BEGAIN: variants seen among roughly 807,000 people sequenced by gnomAD.
BEGAIN encodes brain-enriched guanylate kinase-associated protein.
BEGAIN carries 19 observed loss-of-function variants against 35.8 expected under a neutral mutation model. That is an observed-to-expected ratio of 0.53 (90% confidence interval 0.37 to 0.78). BEGAIN has a LOEUF of 0.78. Ranked by LOEUF, BEGAIN falls within the 30% of genes least tolerant of loss-of-function variation. The pLI is 0.00. For missense variants in BEGAIN, 795 were observed against 853.6 expected (o/e 0.93, Z 0.85); for synonymous variants, 462 against 388.6 (o/e 1.19, Z -2.22).
At chr14:100,552,994 T>G (rs2033352956) in intron 2 of BEGAIN, among the ~76,000 whole-genome samples, 1 of 152,064 alleles carries the variant, frequency 6.6e-6, no homozygotes. Flanking sequence ...TGTCTCAGGA[T>G]GAGATGACTC....
At chr14:100,540,948 C>T (rs980162723) in intron 5 of BEGAIN, among the ~76,000 whole-genome samples, 1 of 152,214 alleles carries the variant, frequency 6.6e-6, no homozygotes, top group Non-Finnish European at 1.5e-5. Flanking sequence ...CCCTGTCCCT[C>T]AGGCTCTCGG....
chr14:100,583,043 G>A (rs1356559446), intron 1 of BEGAIN, among the ~76,000 whole-genome samples: 2 of 150,170 alleles, frequency 1.3e-5, no homozygotes, highest in Non-Finnish European at 3.0e-5. Context: ...CCCATTTACA[G>A]GTGCCATCCA....
At chr14:100,546,123 C>CGGAAA (rs1390145190) in intron 3 of BEGAIN, 1 of 171,588 alleles carries the variant, frequency 5.8e-6, no homozygotes, top group Non-Finnish European at 1.3e-5. Flanking sequence ...ACAGCTTTTC[C>CGGAAA]CATCAGGACC....
chr14:100,573,219 T>TG lies in BEGAIN; in HGVS notation c.43-5281dup, dbSNP rs1178897145. ...TTCCGGAGGAGGGGGCTGGTGAGTCTGGGGGGAGGGGCTTCCGGAGGAGGG... is the reference window on the plus strand; with the variant it reads ...TTCCGGAGGAGGGGGCTGGTGAGTCTGGGGGGGAGGGGCTTCCGGAGGAGGG... On this transcript the variant is annotated intron_variant, in intron 1 of 6. Coordinates refer to ENST00000554140, the MANE Select transcript of BEGAIN (RefSeq NM_001385089.1). This position sits in a 1 kb window ranked among gnomAD's most constrained non-coding sequence, Gnocchi z 4.2. Among the ~76,000 whole-genome samples, 1 of 42,198 alleles carries TG rather than the reference T, an allele frequency of 2.4e-5. No homozygotes were observed. Among genetic ancestry groups the TG allele is most frequent in the Non-Finnish European group, 4.7e-5 (1 of 21,288 alleles). 27.7% of individuals were successfully genotyped at this position (42,198 alleles called of 152,430 possible).
At chr14:100,546,155 C>G (rs562315508) in intron 3 of BEGAIN, 1 of 180,652 alleles carries the variant, frequency 5.5e-6, no homozygotes. Context: ...GGCTGGGCCC[C>G]GGGTGGACCA....
At chr14:100,555,778 C>T (rs772714500) in intron 2 of BEGAIN, among the ~76,000 whole-genome samples, 2 of 152,206 alleles carry the variant, frequency 1.3e-5, no homozygotes, top group Non-Finnish European at 2.9e-5. Context: ...ACCACGGTGG[C>T]CCCGGAGTCC....
At chr14:100,550,611 TGAGACC>T in intron 2 of BEGAIN, 2 of 397,988 alleles carry the variant, frequency 5.0e-6, no homozygotes, top group Admixed American at 4.4e-5. Context: ...GCCCCTTGGC[TGAGACC>T]GAGAGAGATG....
In BEGAIN at chr14:100,558,283, C is replaced by T. The variant is rs892415470; in HGVS notation, c.71+9628G>A. On this transcript the variant is annotated intron_variant, in intron 2 of 6. Coordinates refer to ENST00000554140, the MANE Select transcript of BEGAIN (RefSeq NM_001385089.1). This position sits in a 1 kb window ranked among gnomAD's most constrained non-coding sequence, Gnocchi z 4.6. ...CAGGATCTTGTCCCCTCCATGTCAC[C>T]GAACTGGTCCTGTCTCAGCCTTCAC... Among the ~76,000 whole-genome samples, 10 of 152,150 alleles carry T rather than the reference C, an allele frequency of 6.6e-5. No homozygotes were observed. Among genetic ancestry groups the T allele is most frequent in the Admixed American group, 2.0e-4 (3 of 15,284 alleles).
At chr14:100,570,134 G>A (rs917438132) in intron 1 of BEGAIN, among the ~76,000 whole-genome samples, 3 of 152,188 alleles carry the variant, frequency 2.0e-5, no homozygotes, top group African/African-American at 7.2e-5. Context: ...AATCACTCAC[G>A]GCGAATGACC....
At chr14:100,543,371 A>G (rs2031926451) in intron 5 of BEGAIN, among the ~76,000 whole-genome samples, 1 of 151,198 alleles carries the variant, frequency 6.6e-6, no homozygotes, top group Non-Finnish European at 1.5e-5. Flanking sequence ...GGCAAGGTAG[A>G]AGCTAATTCG....
At chr14:100,555,491 C>T (rs1470050632) in intron 2 of BEGAIN, among the ~76,000 whole-genome samples, 1 of 152,234 alleles carries the variant, frequency 6.6e-6, no homozygotes, top group Non-Finnish European at 1.5e-5. Context: ...CAGCCCCTGC[C>T]CACCGTGTGC....
At chr14:100,583,665 TTC>T (rs961069183) in intron 1 of BEGAIN, among the ~76,000 whole-genome samples, 3 of 150,396 alleles carry the variant, frequency 2.0e-5, no homozygotes, top group Middle Eastern at 3.2e-3. Flanking sequence ...TTTTCTTTCT[TTC>T]TCTCTCTCTC....
At chr14:100,587,105 C>G (rs1207558785) in intron 1 of BEGAIN, 144 bp downstream of exon 1, 3 of 151,296 alleles carry the variant, frequency 2.0e-5, no homozygotes, top group Non-Finnish European at 4.4e-5. Context: ...GAAGCCTCCA[C>G]GGCGGGGGCG....
chr14:100,548,896 G>C (rs1349628420), intron 2 of BEGAIN: 1 of 152,100 alleles, frequency 6.6e-6, no homozygotes, highest in African/African-American at 2.4e-5. Context: ...TCAACTCCCT[G>C]TTCCACCAGC....
intron 3 of BEGAIN, among the ~76,000 whole-genome samples, chr14:100,545,689 T>C (rs895762714): frequency 8.5e-5 from 13 of 152,156 alleles, no homozygotes; most frequent in Admixed American, 5.9e-4. Context: ...GAAACTTTAA[T>C]TACTTAAAGC....
chr14:100,559,701 T>TA, intron 2 of BEGAIN, among the ~76,000 whole-genome samples: 1 of 152,276 alleles, frequency 6.6e-6, no homozygotes, highest in South Asian at 2.1e-4. Context: ...GGTGGACACT[T>TA]ATCAGTAATC....
At chr14:100,547,904 GC>G (rs1478861506) in intron 2 of BEGAIN, 1 of 152,210 alleles carries the variant, frequency 6.6e-6, no homozygotes, top group Non-Finnish European at 1.5e-5. Flanking sequence ...CTGTCCCCCA[GC>G]CCCGAGCAGA....
In BEGAIN at chr14:100,573,727, A is replaced by G. The variant is rs2035141128; in HGVS notation, c.43-5788T>C. Among the ~76,000 whole-genome samples, 1 of 152,078 alleles carries G rather than the reference A, an allele frequency of 6.6e-6. No individual in the cohort carries two copies. The highest frequency in any genetic ancestry group is 1.5e-5 in the Non-Finnish European group (1 of 67,990). On this transcript the variant is annotated intron_variant, in intron 1 of 6. Transcript: ENST00000554140. The surrounding 1 kb of genome is among the most constrained non-coding windows in gnomAD (Gnocchi z 4.2). ...TGGTGCCCCTTGGCCATCCCAGGGG[A>G]GACACCAAGGGCTGGGAAATGGGCT...
chr14:100,587,218 CGCCCTGCCCTCCCGGCTCGCA>C lies in BEGAIN; in HGVS notation c.42+10_42+30del, dbSNP rs1184206231. The C allele has an allele frequency of 5.4e-6, 1 of 186,118 alleles. No individual in the cohort carries two copies. The highest frequency in any genetic ancestry group is 2.4e-5 in the African/African-American group (1 of 41,286). The allele number at this position is 186,118 out of a possible 1,614,324, so 11.5% of individuals were successfully genotyped here. Reference sequence around the variant, plus strand: ...CGCCCCGCCTCCGCGCCCGCGCCCGCGCCCTGCCCTCCCGGCTCGCAGGTACTCACCGCCCGGCGCAGCCGG... The same window carrying C: ...CGCCCCGCCTCCGCGCCCGCGCCCGCGGTACTCACCGCCCGGCGCAGCCGG... On this transcript the variant is annotated intron_variant, in intron 1 of 6. Transcript: ENST00000554140.
Sources: allele counts gnomAD v4.1 joint callset (sites outside exome capture counted in the v4.1 genomes callset), GRCh38; gene constraint gnomAD v4.1.1; non-coding constraint Gnocchi (gnomAD v3.1); transcripts MANE v1.5; gene names NCBI Gene and HGNC (gene_info 2026-07-23, HGNC 2026-07-21).